PPP4R4: variants seen among roughly 807,000 people sequenced by gnomAD.
PPP4R4 encodes the protein serine/threonine-protein phosphatase 4 regulatory subunit 4.
PPP4R4 carries 70 observed loss-of-function variants against 121.8 expected under a neutral mutation model. The observed-to-expected ratio is 0.57, with a 90% CI of 0.47 to 0.70. The LOEUF (loss-of-function observed/expected upper bound fraction) is 0.70. Ranked by LOEUF, PPP4R4 falls within the 30% of genes least tolerant of loss-of-function variation. The pLI, the probability that PPP4R4 is intolerant of heterozygous loss-of-function variation, is 0.00. For synonymous variants in PPP4R4, 348 were observed against 355.7 expected, an observed-to-expected ratio of 0.98 and a Z score of 0.24; for missense variants, 875 against 1,033.6, an observed-to-expected ratio of 0.85 and a Z score of 2.10.
At chr14:94,222,367 A>G (rs1891454836) in intron 3 of PPP4R4, among the ~76,000 whole-genome samples, 2 of 151,876 alleles carry the variant, frequency 1.3e-5, no homozygotes, top group African/African-American at 4.8e-5. Context: ...ACATATTATC[A>G]AAGTCGAATT....
intron 24 of PPP4R4, among the ~76,000 whole-genome samples, chr14:94,275,777 A>T (rs901578042): frequency 1.3e-5 from 2 of 151,982 alleles, no homozygotes; most frequent in African/African-American, 4.8e-5. Flanking sequence ...TCTGAAATCT[A>T]TTTTTTTTCT....
At chr14:94,187,577 T>G (rs549479935) in intron 2 of PPP4R4, among the ~76,000 whole-genome samples, 1 of 152,234 alleles carries the variant, frequency 6.6e-6, no homozygotes, top group Non-Finnish European at 1.5e-5. Context: ...TTAACATTGA[T>G]ACATCACTCC....
intron 2 of PPP4R4, among the ~76,000 whole-genome samples, chr14:94,187,520 CAT>C (rs1305652427): frequency 2.0e-5 from 3 of 152,118 alleles, no homozygotes; most frequent in African/African-American, 7.2e-5. Context: ...CTAATGCTAA[CAT>C]GTTATTAATA....
intron 23 of PPP4R4, 67 bp downstream of exon 23, chr14:94,267,096 C>G: frequency 9.1e-7 from 1 of 1,104,950 alleles, no homozygotes; most frequent in South Asian, 1.4e-5. Flanking sequence ...CCTTAAATGA[C>G]CTATTTCTTT....
At position 94,174,447 on chromosome 14, in the gene PPP4R4, C is replaced by G; in HGVS notation, c.-19C>G. 2 of 1,561,958 alleles carry G rather than the reference C, an allele frequency of 1.3e-6. No homozygotes were observed. The highest frequency in any genetic ancestry group is 1.7e-6 in the Non-Finnish European group (2 of 1,156,324). ...CCCGGGGCCGCTCCGGCCCGGGCGG[C>G]GAGAGTGCCCGGCGGTCCATGCATC... On this transcript the variant is annotated 5_prime_UTR_variant, in exon 1 of 25. Transcript: ENST00000304338.
rs1036892217 is a variant in PPP4R4, at chr14:94,257,986, C to T, written c.2011-797C>T. Among the ~76,000 whole-genome samples, 10 of 152,050 alleles carry T rather than the reference C, an allele frequency of 6.6e-5. No homozygotes were observed. The East Asian group carries it at 1.5e-3, about 23-fold the overall frequency. On this transcript the variant is annotated intron_variant, in intron 17 of 24. Coordinates refer to ENST00000304338, the MANE Select transcript of PPP4R4 (RefSeq NM_058237.2). ...AATGAGACATTAGTATGGAAAACTC[C>T]CAGGAAGCTACACAAAACTTTTGGA...
At chr14:94,214,660 TATAA>T (rs1890930563) in intron 3 of PPP4R4, among the ~76,000 whole-genome samples, 1 of 152,190 alleles carries the variant, frequency 6.6e-6, no homozygotes, top group African/African-American at 2.4e-5. Context: ...GCATTCACTT[TATAA>T]ATACATTTGT....
intron 2 of PPP4R4, among the ~76,000 whole-genome samples, chr14:94,207,898 A>G (rs1320646247): frequency 1.3e-5 from 2 of 151,906 alleles, no homozygotes; most frequent in African/African-American, 4.8e-5. Flanking sequence ...TGTTAATTTA[A>G]AAAGGAGTTA....
At chr14:94,265,535 G>A (rs1894002423) in intron 21 of PPP4R4, 62 bp downstream of exon 21, 3 of 1,396,150 alleles carry the variant, frequency 2.1e-6, no homozygotes, top group South Asian at 1.2e-5. Context: ...CAAATTGCTG[G>A]GAAAGTCACT....
chr14:94,240,163 AAAG>A (rs1335075424), intron 8 of PPP4R4, among the ~76,000 whole-genome samples: 1 of 152,224 alleles, frequency 6.6e-6, no homozygotes, highest in African/African-American at 2.4e-5. Context: ...TTAATTTTTT[AAAG>A]AAGAGCCATC....
chr14:94,237,727 T>C, intron 8 of PPP4R4, 41 bp downstream of exon 8: 1 of 1,590,558 alleles, frequency 6.3e-7, no homozygotes. Context: ...AAAACAGTGT[T>C]TTTCTACATG....
intron 2 of PPP4R4, among the ~76,000 whole-genome samples, chr14:94,183,176 CAA>C (rs1420343924): frequency 1.3e-5 from 2 of 152,086 alleles, no homozygotes; most frequent in Admixed American, 6.5e-5. Flanking sequence ...AAAAGAGAAA[CAA>C]AGTGGATATT....
At chr14:94,188,444 C>A (rs1412259141) in intron 2 of PPP4R4, among the ~76,000 whole-genome samples, 1 of 152,054 alleles carries the variant, frequency 6.6e-6, no homozygotes, top group East Asian at 1.9e-4. Flanking sequence ...ACCCTACAAT[C>A]AAAATGCCTT....
intron 3 of PPP4R4, among the ~76,000 whole-genome samples, chr14:94,222,597 G>T: frequency 1.4e-5 from 2 of 146,510 alleles, no homozygotes; most frequent in Non-Finnish European, 1.5e-5. Context: ...TCTGCCTGAA[G>T]AACACCTTTT....
intron 8 of PPP4R4, among the ~76,000 whole-genome samples, 175 bp downstream of exon 8, chr14:94,237,861 T>C (rs1892426084): frequency 6.6e-6 from 1 of 152,230 alleles, no homozygotes; most frequent in South Asian, 2.1e-4. Flanking sequence ...TTTACCCTCA[T>C]GGTGTCGTAG....
In PPP4R4 at chr14:94,264,948, G is replaced by A. The variant is rs939986544; in HGVS notation, c.2197+1G>A. On this transcript the variant is annotated splice_donor_variant, in intron 20 of 24. Transcript: ENST00000304338. LOFTEE classifies it high-confidence loss of function. The stretch of plus-strand genomic sequence containing the variant: ...AGTGATAAAATGTTTGAAAAGAAAC[G>A]TAAGTAGTTTTTCTATGTCTTCAAC... The A allele has an allele frequency of 3.2e-6, 5 of 1,584,948 alleles. No homozygotes were observed. Among genetic ancestry groups the A allele is most frequent in the Non-Finnish European group, 3.4e-6 (4 of 1,166,158 alleles).
chr14:94,203,350 C>A (rs1316507157), intron 2 of PPP4R4, among the ~76,000 whole-genome samples: 1 of 152,190 alleles, frequency 6.6e-6, no homozygotes, highest in Non-Finnish European at 1.5e-5. Flanking sequence ...GGAGATTCTT[C>A]AGGTGGATAC....
chr14:94,177,456 T>G (rs187762047), intron 2 of PPP4R4, among the ~76,000 whole-genome samples: 1 of 152,366 alleles, frequency 6.6e-6, no homozygotes, highest in African/African-American at 2.4e-5. Context: ...ACATGTTTAT[T>G]ATGATGAACA....
At position 94,279,587 on chromosome 14, in the gene PPP4R4, T is replaced by G. The variant is rs893342631; in HGVS notation, c.*944T>G. 5 of 152,614 alleles carry G rather than the reference T, an allele frequency of 3.3e-5. No individual in the cohort carries two copies. Among genetic ancestry groups the G allele is most frequent in the African/African-American group, 1.2e-4 (5 of 41,454 alleles). 9.5% of individuals were successfully genotyped at this position (152,614 alleles called of 1,614,324 possible). On this transcript the variant is annotated 3_prime_UTR_variant, in exon 25 of 25. Coordinates refer to ENST00000304338, the MANE Select transcript of PPP4R4 (RefSeq NM_058237.2). The stretch of plus-strand genomic sequence containing the variant: ...AAATGCAATCAGCATATAACTATAT[T>G]GATATTAGAAGATATTTGTTTTTTA...
Sources: gnomAD v4.1 joint callset for allele counts (sites outside exome capture counted in the v4.1 genomes callset) on GRCh38, gnomAD v4.1.1 for gene constraint, MANE v1.5 for transcripts, NCBI Gene and HGNC (gene_info 2026-07-23, HGNC 2026-07-21) for gene names.